CNTNAP5: variants seen among roughly 807,000 people sequenced by gnomAD.
The protein encoded by CNTNAP5 is contactin associated protein family member 5.
CNTNAP5 carries 72 observed loss-of-function variants against 150.2 expected under a neutral mutation model. The ratio of observed to expected loss-of-function variants is 0.48; its 90% CI spans 0.40 to 0.58. The LOEUF (loss-of-function observed/expected upper bound fraction) is 0.58, where lower values mean the gene tolerates loss of function less well. CNTNAP5 is among the 20% of genes least tolerant of loss of function. CNTNAP5 has a pLI of 0.00. For synonymous variants in CNTNAP5, 672 were observed against 619.8 expected (o/e 1.08, Z -1.25); for missense variants, 1,636 against 1,626.2 (o/e 1.01, Z -0.10).
At chr2:124,646,967 T>C (rs951326624) in intron 12 of CNTNAP5, among the ~76,000 whole-genome samples, 1 of 152,156 alleles carries the variant, frequency 6.6e-6, no homozygotes, top group Non-Finnish European at 1.5e-5. Context: ...AGAGAGACCC[T>C]GTCTCTTTAA....
At chr2:124,607,371 C>T (rs1677263647) in intron 11 of CNTNAP5, among the ~76,000 whole-genome samples, 1 of 152,122 alleles carries the variant, frequency 6.6e-6, no homozygotes. Context: ...CTTGCAAGGG[C>T]TGCCTTGTTA....
At chr2:124,851,991 T>C (rs1683168631) in intron 19 of CNTNAP5, among the ~76,000 whole-genome samples, 1 of 151,968 alleles carries the variant, frequency 6.6e-6, no homozygotes, top group African/African-American at 2.4e-5. Flanking sequence ...GACCAGACAA[T>C]ATGAGCTGGG....
At chr2:124,093,486 G>T (rs1322902480) in intron 1 of CNTNAP5, among the ~76,000 whole-genome samples, 1 of 152,198 alleles carries the variant, frequency 6.6e-6, no homozygotes, top group East Asian at 1.9e-4. Flanking sequence ...TTAGATGAAT[G>T]CTTAATGATT....
At chr2:124,266,326 T>A (rs1347491090) in intron 3 of CNTNAP5, among the ~76,000 whole-genome samples, 1 of 152,154 alleles carries the variant, frequency 6.6e-6, no homozygotes, top group Non-Finnish European at 1.5e-5. Context: ...AAGAACTAAA[T>A]CAACATATTA....
intron 13 of CNTNAP5, among the ~76,000 whole-genome samples, chr2:124,660,043 AAAGGAAGG>A (rs60444454): frequency 0.033 from 4,357 of 130,826 alleles, 170 homozygotes; most frequent in African/African-American, 0.1. Context: ...AGGAAGGAAG[AAAGGAAGG>A]AAGGAAGGAA....
chr2:124,577,540 T>C (rs1424642081), intron 11 of CNTNAP5, among the ~76,000 whole-genome samples: 4 of 152,326 alleles, frequency 2.6e-5, no homozygotes, highest in Non-Finnish European at 4.4e-5. Flanking sequence ...CAACCAAATA[T>C]TGTGGGTGAC....
chr2:124,305,390 A>G (rs576185025), intron 3 of CNTNAP5, among the ~76,000 whole-genome samples: 12 of 152,296 alleles, frequency 7.9e-5, no homozygotes, highest in African/African-American at 2.2e-4. Flanking sequence ...AAGAATGAAA[A>G]TTATCCAAGT....
chr2:124,505,268 A>G (rs1270837604), intron 8 of CNTNAP5, among the ~76,000 whole-genome samples: 2 of 152,132 alleles, frequency 1.3e-5, no homozygotes, highest in African/African-American at 2.4e-5. Flanking sequence ...TTAATAAATG[A>G]GGAAATCAGA....
chr2:124,915,093 A>G lies in CNTNAP5; in HGVS notation c.*805A>G, dbSNP rs183396671. The G allele has an allele frequency of 1.2e-5, 2 of 163,474 alleles. No homozygotes were observed. The highest frequency in any genetic ancestry group is 2.0e-4 in the East Asian group (1 of 5,122). 10.1% of individuals were successfully genotyped at this position (163,474 alleles called of 1,614,324 possible). On this transcript the variant is annotated 3_prime_UTR_variant, in exon 24 of 24. Transcript: ENST00000682447. Reference sequence around the variant, plus strand: ...TCAAAATGCCTCCTCCAATTTTGTAAGAATGCTAGCTAGGTATTCCTGGGA... The same window carrying G: ...TCAAAATGCCTCCTCCAATTTTGTAGGAATGCTAGCTAGGTATTCCTGGGA...
intron 4 of CNTNAP5, among the ~76,000 whole-genome samples, chr2:124,424,511 A>G (rs1344484630): frequency 6.6e-6 from 1 of 152,216 alleles, no homozygotes; most frequent in Non-Finnish European, 1.5e-5. Context: ...AGATTTGAGA[A>G]TAAATGAAAT....
At chr2:124,271,833 G>C (rs977451420) in intron 3 of CNTNAP5, among the ~76,000 whole-genome samples, 1 of 152,010 alleles carries the variant, frequency 6.6e-6, no homozygotes, top group African/African-American at 2.4e-5. Flanking sequence ...TCCTGCCTCA[G>C]CCTCTTGAGT....
chr2:124,579,548 T>C (rs1696365256), intron 11 of CNTNAP5, among the ~76,000 whole-genome samples: 1 of 152,230 alleles, frequency 6.6e-6, no homozygotes, highest in African/African-American at 2.4e-5. Flanking sequence ...CTTAGTTGGT[T>C]TGGTTTATGG....
chr2:124,377,298 T>C (rs1690674301), intron 3 of CNTNAP5, among the ~76,000 whole-genome samples: 1 of 152,082 alleles, frequency 6.6e-6, no homozygotes, highest in Admixed American at 6.6e-5. Context: ...TATTTAAAGG[T>C]TAGCTAATGG....
At chr2:124,416,568 A>G (rs1691922418) in intron 3 of CNTNAP5, among the ~76,000 whole-genome samples, 1 of 152,192 alleles carries the variant, frequency 6.6e-6, no homozygotes, top group South Asian at 2.1e-4. Context: ...CTGTAACAAC[A>G]ATGAAATTGT....
At chr2:124,706,815 G>GGA in intron 13 of CNTNAP5, among the ~76,000 whole-genome samples, 1 of 9,552 alleles carries the variant, frequency 1.0e-4, no homozygotes, top group African/African-American at 3.5e-4. Flanking sequence ...AGGAGGAGGA[G>GGA]GAGGAGGAGG....
intron 3 of CNTNAP5, among the ~76,000 whole-genome samples, chr2:124,331,037 T>C (rs933428533): frequency 6.6e-6 from 1 of 152,104 alleles, no homozygotes; most frequent in African/African-American, 2.4e-5. Flanking sequence ...TCCAATAATA[T>C]CAGAAATTAC....
intron 5 of CNTNAP5, among the ~76,000 whole-genome samples, chr2:124,443,095 T>C (rs1233692534): frequency 6.6e-6 from 1 of 152,064 alleles, no homozygotes. Flanking sequence ...ACAAATACGC[T>C]TGTGCCCAAG....
In CNTNAP5 at chr2:124,504,309, C is replaced by T. The variant is rs772973746; in HGVS notation, c.1080C>T (p.Ser360=). 9.3e-6 allele frequency: 15 copies of T among 1,611,860 alleles called. No homozygotes were observed. The highest frequency in any genetic ancestry group is 1.3e-5 in the Non-Finnish European group (15 of 1,178,534). The change falls in exon 8 of 24, where the codon TCC becomes TCT. Residue 360 remains serine (S), a synonymous_variant. Transcript: ENST00000682447. ...TTTTCCAGGGCAATGTCACTTTTTC[C>T]TGCTCCGAACCACAGATTGTGCCCA... is the stretch of plus-strand genomic sequence containing the variant. ...QIYTVGNVTF[S]CSEPQIVPIT...
intron 8 of CNTNAP5, among the ~76,000 whole-genome samples, chr2:124,521,029 A>G (rs569425031): frequency 6.4e-4 from 97 of 152,324 alleles, no homozygotes; most frequent in African/African-American, 1.9e-3. Flanking sequence ...GTACCACTTC[A>G]CTTGCCTTGA....
Sources: allele counts gnomAD v4.1 joint callset (sites outside exome capture counted in the v4.1 genomes callset), GRCh38; gene constraint gnomAD v4.1.1; transcripts MANE v1.5; gene names NCBI Gene and HGNC (gene_info 2026-07-23, HGNC 2026-07-21).